Variants in PTPRD observed in about 807,000 individuals in gnomAD.
The protein encoded by PTPRD is protein tyrosine phosphatase receptor type D, also known as receptor-type tyrosine-protein phosphatase delta.
Under a neutral mutation model 214.5 loss-of-function variants are expected in PTPRD, and 34 were observed. That is an observed-to-expected ratio of 0.16 (90% CI 0.12 to 0.21). PTPRD has a LOEUF of 0.21. Ranked by LOEUF, PTPRD falls within the 10% of genes least tolerant of loss-of-function variation. The pLI is 1.00. For missense variants in PTPRD, 2,545 were observed against 2,398.7 expected (o/e 1.06, Z -1.27); for synonymous variants, 1,128 against 845.7 (o/e 1.33, Z -5.79).
At chr9:9,230,888 A>G (rs1169787154) in intron 9 of PTPRD, among the ~76,000 whole-genome samples, 3 of 152,164 alleles carry the variant, frequency 2.0e-5, no homozygotes, top group Non-Finnish European at 4.4e-5. Context: ...ACCCACTGCC[A>G]AACAATTAAT....
At chr9:8,382,636 A>G (rs1485266656) in intron 37 of PTPRD, among the ~76,000 whole-genome samples, 4 of 152,234 alleles carry the variant, frequency 2.6e-5, no homozygotes, top group Non-Finnish European at 5.9e-5. Flanking sequence ...AGAGAAAACC[A>G]AAAGTGTAGA....
At chr9:9,674,106 T>G (rs937173913) in intron 7 of PTPRD, among the ~76,000 whole-genome samples, 1 of 151,832 alleles carries the variant, frequency 6.6e-6, no homozygotes, top group African/African-American at 2.4e-5. Context: ...AATATGTAGA[T>G]AAATACTGTC....
intron 43 of PTPRD, among the ~76,000 whole-genome samples, chr9:8,333,146 T>C (rs188027355): frequency 1.1e-3 from 160 of 152,250 alleles, no homozygotes; most frequent in South Asian, 5.4e-3. Flanking sequence ...TACTGAGAAA[T>C]AGAGAAAACT....
intron 7 of PTPRD, among the ~76,000 whole-genome samples, chr9:9,652,979 T>C (rs1347354798): frequency 6.6e-6 from 1 of 152,148 alleles, no homozygotes; most frequent in Non-Finnish European, 1.5e-5. Flanking sequence ...TCACAATTTA[T>C]TCTTTATGGG....
intron 7 of PTPRD, among the ~76,000 whole-genome samples, chr9:9,719,299 C>A (rs1169802569): frequency 6.6e-6 from 1 of 152,084 alleles, no homozygotes; most frequent in East Asian, 1.9e-4. Context: ...TCCACATAAC[C>A]TCATTCTTCT....
At chr9:10,159,062 G>T (rs34433755) in intron 3 of PTPRD, among the ~76,000 whole-genome samples, 1 of 151,912 alleles carries the variant, frequency 6.6e-6, no homozygotes, top group Admixed American at 6.6e-5. Context: ...ACACTAATTG[G>T]AAATTGTCTT....
chr9:9,103,630 A>G lies in PTPRD; in HGVS notation c.-143+79674T>C, dbSNP rs1342826133. Among the ~76,000 whole-genome samples the G allele has an allele frequency of 7.9e-5, 12 of 152,246 alleles. No individual in the cohort carries two copies. The East Asian group carries it at 2.3e-3, about 29-fold the overall frequency. The stretch of plus-strand genomic sequence containing the variant: ...GCTTCCATAAGAAAAAAAAAAATCA[A>G]AGAGGTGACAATGAACTTTCTCCAA... On this transcript the variant is annotated intron_variant, in intron 10 of 45. Transcript: ENST00000381196.
At chr9:10,099,926 T>A (rs1045088441) in intron 3 of PTPRD, among the ~76,000 whole-genome samples, 1 of 151,736 alleles carries the variant, frequency 6.6e-6, no homozygotes, top group Non-Finnish European at 1.5e-5. Context: ...TCCTCTATAA[T>A]CTATGAATGC....
intron 11 of PTPRD, among the ~76,000 whole-genome samples, chr9:8,987,179 ATATT>A (rs1205875906): frequency 6.6e-6 from 1 of 152,026 alleles, no homozygotes; most frequent in African/African-American, 2.4e-5. Flanking sequence ...TATTTATTAT[ATATT>A]TATTTGTCAT....
At chr9:10,351,327 G>A (rs545880806) in intron 2 of PTPRD, among the ~76,000 whole-genome samples, 1 of 152,032 alleles carries the variant, frequency 6.6e-6, no homozygotes, top group South Asian at 2.1e-4. Flanking sequence ...GTCTTTTCCT[G>A]GCTCCACACA....
intron 21 of PTPRD, among the ~76,000 whole-genome samples, chr9:8,516,552 G>A (rs892843872): frequency 1.3e-5 from 2 of 152,032 alleles, no homozygotes; most frequent in African/African-American, 4.8e-5. Flanking sequence ...TGATTCACAG[G>A]TATCAGTGAA....
intron 3 of PTPRD, among the ~76,000 whole-genome samples, chr9:10,048,924 G>A (rs538748025): frequency 3.3e-5 from 5 of 152,032 alleles, no homozygotes; most frequent in African/African-American, 9.7e-5. Flanking sequence ...GGATGATTAC[G>A]CAGGATTAGG....
intron 4 of PTPRD, among the ~76,000 whole-genome samples, chr9:10,024,892 G>C (rs563098386): frequency 6.7e-6 from 1 of 149,070 alleles, no homozygotes; most frequent in Non-Finnish European, 1.5e-5. Context: ...TTGGTTTTCT[G>C]TCCGTGCGAT....
intron 2 of PTPRD, among the ~76,000 whole-genome samples, chr9:10,385,052 C>G (rs551374874): frequency 6.6e-6 from 1 of 151,792 alleles, no homozygotes. Context: ...CCATTCCTAA[C>G]CTTACGGGTT....
chr9:8,814,744 C>T (rs886891333), intron 11 of PTPRD, among the ~76,000 whole-genome samples: 6 of 152,028 alleles, frequency 3.9e-5, no homozygotes, highest in Non-Finnish European at 8.8e-5. Context: ...AAAAGTGGTG[C>T]CATACATACA....
rs79037112 is a variant in PTPRD, at chr9:8,545,817, T to G, written c.353-17038A>C. ...ATAATTTCATAATAGTTTTTCAAGT[T>G]TGAATTATTATAGACATACTTTATG... On this transcript the variant is annotated intron_variant, in intron 14 of 45. Transcript: ENST00000381196. Among the ~76,000 whole-genome samples, 639 of 152,330 alleles carry G rather than the reference T, an allele frequency of 4.2e-3. 2 individuals carry two copies. Among genetic ancestry groups the G allele is most frequent in the Non-Finnish European group, 6.9e-3 (468 of 68,024 alleles).
At chr9:8,467,613 G>A (rs1406410923) in intron 31 of PTPRD, among the ~76,000 whole-genome samples, 1 of 151,718 alleles carries the variant, frequency 6.6e-6, no homozygotes, top group African/African-American at 2.4e-5. Context: ...CAACTATAAT[G>A]TAATTTACTT....
In PTPRD at chr9:9,938,896, T is replaced by C. The variant is rs139578701; in HGVS notation, c.-471-286A>G. ...TTCCTATCCATTTGGTATAAGTAAT[T>C]GATGCGTTAATTTAAGAAGCCATTT... is the stretch of plus-strand genomic sequence containing the variant. On this transcript the variant is annotated intron_variant, in intron 4 of 45. Transcript: ENST00000381196. Among the ~76,000 whole-genome samples, 825 of 152,288 alleles carry C rather than the reference T, an allele frequency of 5.4e-3. 9 individuals carry two copies. Among genetic ancestry groups the C allele is most frequent in the African/African-American group, 0.018 (737 of 41,566 alleles).
intron 7 of PTPRD, among the ~76,000 whole-genome samples, chr9:9,727,403 T>A (rs892051274): frequency 6.6e-6 from 1 of 152,128 alleles, no homozygotes; most frequent in Non-Finnish European, 1.5e-5. Flanking sequence ...TGAGCCAAGA[T>A]CGCACCACTG....
Sources: gnomAD v4.1 joint callset for allele counts (sites outside exome capture counted in the v4.1 genomes callset) on GRCh38, gnomAD v4.1.1 for gene constraint, MANE v1.5 for transcripts, NCBI Gene and HGNC (gene_info 2026-07-23, HGNC 2026-07-21) for gene names.